Variants in ADAMTS16 observed in about 807,000 individuals in gnomAD.
ADAMTS16 encodes A disintegrin and metalloproteinase with thrombospondin motifs 16.
ADAMTS16 carries 94 observed loss-of-function variants against 145.8 expected under a neutral mutation model. The observed-to-expected ratio is 0.64, with a 90% CI of 0.55 to 0.77. The LOEUF (loss-of-function observed/expected upper bound fraction) is 0.77. Ranked by LOEUF, ADAMTS16 falls within the 30% of genes least tolerant of loss-of-function variation. The pLI is 0.00. For missense variants in ADAMTS16, 1,585 were observed against 1,591.5 expected, an observed-to-expected ratio of 1.00 and a Z score of 0.07; for synonymous variants, 659 against 604.3, an observed-to-expected ratio of 1.09 and a Z score of -1.33.
At position 5,239,707 on chromosome 5, in the gene ADAMTS16, T is replaced by C; in HGVS notation, c.2305T>C (p.Ser769Pro). Residue 769 changes from serine (S) to proline (P), a missense_variant, in exon 16 of 23, where the codon TCT (serine) becomes CCT (proline). Ser to Pro is a moderately conservative substitution (Grantham distance 74, BLOSUM62 -1). This residue lies in a region of ADAMTS16 where 834 missense variants were observed against 811.7 expected (regional missense o/e 1.03). Coordinates refer to ENST00000274181, the MANE Select transcript of ADAMTS16 (RefSeq NM_139056.4). ...NQYYHMVTIP[S>P]GARSIRIYEM... ...GTATTATCACATGGTCACCATTCCT[T>C]CTGGAGCCCGGAGTATCCGCATCTA... The C allele has an allele frequency of 6.2e-7, 1 of 1,614,176 alleles. No individual in the cohort carries two copies. The highest frequency in any genetic ancestry group is 8.5e-7 in the Non-Finnish European group (1 of 1,180,028).
rs1214768156 is a variant in ADAMTS16 at position 5,237,092 on chromosome 5, T to A, written c.2147T>A (p.Ile716Lys). The A allele has an allele frequency of 6.2e-7, 1 of 1,613,188 alleles. No individual in the cohort carries two copies. Among genetic ancestry groups the A allele is most frequent in the Non-Finnish European group, 8.5e-7 (1 of 1,179,738 alleles). The change falls in exon 14 of 23, where the codon ATA (isoleucine) becomes AAA (lysine). Residue 716 changes from isoleucine to lysine, a missense_variant. By Grantham distance (102) the Ile-to-Lys change is moderately radical. Coordinates refer to ENST00000274181, the MANE Select transcript of ADAMTS16 (RefSeq NM_139056.4). ...AGCCGTAATGTTTGTATAGATGGGA[T>A]ATGTGAGGTAATCATGATCCTTCAT... ...EDSRNVCIDG[I>K]CERVGCDNVL...
chr5:5,212,526 C>T (rs888775598), intron 10 of ADAMTS16, among the ~76,000 whole-genome samples: 1 of 152,090 alleles, frequency 6.6e-6, no homozygotes, highest in Non-Finnish European at 1.5e-5. Flanking sequence ...ACTCTTTTCT[C>T]GTTGTAAAAT....
chr5:5,311,038 C>T (rs1217445495), intron 21 of ADAMTS16, among the ~76,000 whole-genome samples: 4 of 152,096 alleles, frequency 2.6e-5, no homozygotes, highest in Non-Finnish European at 4.4e-5. Context: ...GGACTCCTCC[C>T]GTGTCAAGCT....
chr5:5,302,399 C>T (rs12518998), intron 18 of ADAMTS16, among the ~76,000 whole-genome samples: 73,708 of 151,958 alleles, frequency 0.49, 18,428 homozygotes, highest in Non-Finnish European at 0.55. Context: ...TGATAACTTA[C>T]GCAATAATCA....
chr5:5,144,609 A>G (rs79741880), intron 2 of ADAMTS16, among the ~76,000 whole-genome samples: 2,584 of 152,316 alleles, frequency 0.017, 66 homozygotes, highest in African/African-American at 0.06. Flanking sequence ...CCCAGGTCAA[A>G]GTATTTTGCA....
At chr5:5,193,882 C>A (rs564633280) in intron 8 of ADAMTS16, among the ~76,000 whole-genome samples, 1 of 152,262 alleles carries the variant, frequency 6.6e-6, no homozygotes, top group African/African-American at 2.4e-5. Context: ...GGGAGGATCA[C>A]TTGAGCCCAG....
intron 2 of ADAMTS16, among the ~76,000 whole-genome samples, chr5:5,142,967 A>G (rs1052629851): frequency 2.6e-5 from 4 of 152,234 alleles, no homozygotes; most frequent in African/African-American, 9.6e-5. Context: ...AGGATTCCCT[A>G]TTTAATAAAT....
chr5:5,217,026 T>A (rs1395887312), intron 10 of ADAMTS16, among the ~76,000 whole-genome samples: 9 of 151,922 alleles, frequency 5.9e-5, no homozygotes, highest in Non-Finnish European at 2.9e-5. Flanking sequence ...TTTGGGTTGG[T>A]TCCAAGTCTT....
At chr5:5,289,204 G>GA (rs5865601) in intron 18 of ADAMTS16, among the ~76,000 whole-genome samples, 43,205 of 151,772 alleles carry the variant, frequency 0.28, 7,405 homozygotes, top group East Asian at 0.53. Context: ...ACAGATAATA[G>GA]AAAAAAAAGC....
In ADAMTS16 at chr5:5,146,222, C is replaced by G. The variant is rs2086310; in HGVS notation, c.268C>G (p.Pro90Ala). Residue 90 changes from proline to alanine, a missense_variant, in exon 3 of 23, where the codon CCC becomes GCC. This residue lies in a region of ADAMTS16 where 453 missense variants were observed against 412.1 expected (regional missense o/e 1.10). Coordinates refer to ENST00000274181, the MANE Select transcript of ADAMTS16 (RefSeq NM_139056.4). ...CCATCAGCGGCGGAGAAGAGCAGTG[C>G]CCGTGTCCGAGGTTGAGTCTCTTCA... The part of the protein sequence containing the change: ...MHHQRRRRAV[P>A]VSEVESLHLR... 0.79 allele frequency: 1,280,768 copies of G among 1,613,920 alleles called. 512,423 individuals are homozygous for G. Among genetic ancestry groups the G allele is most frequent in the Middle Eastern group, 0.89 (5,389 of 6,062 alleles).
At chr5:5,271,888 A>T (rs1263506154) in intron 18 of ADAMTS16, among the ~76,000 whole-genome samples, 2 of 152,156 alleles carry the variant, frequency 1.3e-5, no homozygotes, top group African/African-American at 4.8e-5. Flanking sequence ...ATACAAACCC[A>T]TTAGTGGAAT....
chr5:5,251,856 CT>C (rs1400591843), intron 17 of ADAMTS16, among the ~76,000 whole-genome samples: 2 of 151,598 alleles, frequency 1.3e-5, no homozygotes, highest in African/African-American at 4.8e-5. Flanking sequence ...GTACTCGGTG[CT>C]TTTTTTTTCT....
intron 9 of ADAMTS16, among the ~76,000 whole-genome samples, chr5:5,201,174 G>A (rs915610588): frequency 2.7e-4 from 41 of 152,228 alleles, no homozygotes; most frequent in African/African-American, 9.9e-4. Flanking sequence ...CGGGGACTGA[G>A]GACAGAGAGA....
intron 17 of ADAMTS16, among the ~76,000 whole-genome samples, chr5:5,252,085 G>A (rs577982255): frequency 3.9e-5 from 6 of 152,288 alleles, no homozygotes; most frequent in East Asian, 1.9e-4. Context: ...TCCTGACTTC[G>A]TGATCCGCCC....
intron 10 of ADAMTS16, among the ~76,000 whole-genome samples, chr5:5,219,498 C>T (rs1350896173): frequency 5.3e-5 from 8 of 152,190 alleles, no homozygotes; most frequent in African/African-American, 4.8e-5. Flanking sequence ...ATTTTGTCAT[C>T]GCAACTCTTT....
intron 3 of ADAMTS16, among the ~76,000 whole-genome samples, chr5:5,178,982 C>T (rs949330606): frequency 3.5e-4 from 53 of 151,938 alleles, no homozygotes; most frequent in Non-Finnish European, 4.6e-4. Flanking sequence ...CAGGGGCTCT[C>T]TGAATTATCA....
chr5:5,165,710 T>A (rs1332918027), intron 3 of ADAMTS16, among the ~76,000 whole-genome samples: 1 of 152,158 alleles, frequency 6.6e-6, no homozygotes, highest in Non-Finnish European at 1.5e-5. Flanking sequence ...AGAATTTGCC[T>A]CAGGCTGGCA....
At chr5:5,236,840 T>G in intron 13 of ADAMTS16, 129 bp from the exon 14 acceptor site, 1 of 1,164,784 alleles carries the variant, frequency 8.6e-7, no homozygotes, top group Non-Finnish European at 1.2e-6. Flanking sequence ...AAAAATGCCA[T>G]TGTAATGTAT....
In ADAMTS16 at chr5:5,261,078, T is replaced by C. The variant is rs1737997325; in HGVS notation, c.2663-1579T>C. On this transcript the variant is annotated intron_variant, in intron 17 of 22. Coordinates refer to ENST00000274181, the MANE Select transcript of ADAMTS16 (RefSeq NM_139056.4). ...GGGGAGTGATAAAATCACTCTTAGA[T>C]CTGAATATATTGTGTGTTAATATTA... Among the ~76,000 whole-genome samples the C allele has an allele frequency of 3.9e-5, 6 of 152,160 alleles. No individual in the cohort carries two copies. The South Asian group carries it at 1.2e-3, about 32-fold the overall frequency.
Sources: gnomAD v4.1 joint callset for allele counts (sites outside exome capture counted in the v4.1 genomes callset) on GRCh38, gnomAD v4.1.1 for gene constraint, gnomAD v4.1.1 regional missense constraint, MANE v1.5 for transcripts, NCBI Gene and HGNC (gene_info 2026-07-23, HGNC 2026-07-21) for gene names.